ENTREP2: variants seen among roughly 807,000 people sequenced by gnomAD.
ENTREP2 encodes protein ENTREP2.
chr15:29,447,393 G>A, the ENTREP2 span, among the ~76,000 whole-genome samples: 2 of 152,146 alleles, frequency 1.3e-5, no homozygotes, highest in African/African-American at 2.4e-5. Flanking sequence ...CACAGTCTTC[G>A]CCAGGCTGAG....
At chr15:29,615,438 G>A in the ENTREP2 span, among the ~76,000 whole-genome samples, 2 of 152,132 alleles carry the variant, frequency 1.3e-5, no homozygotes, top group Non-Finnish European at 2.9e-5. Flanking sequence ...TTAGACGTGA[G>A]CCACAACGCC....
At chr15:29,293,401 C>A in the ENTREP2 span, among the ~76,000 whole-genome samples, 8 of 150,910 alleles carry the variant, frequency 5.3e-5, no homozygotes, top group Non-Finnish European at 8.9e-5. Context: ...GCGCCCGCCA[C>A]CATGCCTGGC....
the ENTREP2 span, among the ~76,000 whole-genome samples, chr15:29,552,086 G>A: frequency 2.0e-5 from 3 of 152,138 alleles, no homozygotes. Context: ...CATGGAGTGG[G>A]AAATGGAAAG....
chr15:29,615,628 ATGTT>A, the ENTREP2 span, among the ~76,000 whole-genome samples: 1 of 152,076 alleles, frequency 6.6e-6, no homozygotes, highest in South Asian at 2.1e-4. Context: ...CCCCACCTAA[ATGTT>A]TGAGTCATTC....
the ENTREP2 span, among the ~76,000 whole-genome samples, chr15:29,621,035 C>T: frequency 6.6e-6 from 1 of 152,070 alleles, no homozygotes; most frequent in Non-Finnish European, 1.5e-5. Flanking sequence ...CAGGTCTTGC[C>T]TTAGGCACCA....
At chr15:29,618,051 ATC>A in the ENTREP2 span, among the ~76,000 whole-genome samples, 1 of 151,856 alleles carries the variant, frequency 6.6e-6, no homozygotes. Flanking sequence ...TGGGCTGCCT[ATC>A]TCTTTCTTAG....
chr15:29,226,255 T>C, the ENTREP2 span, among the ~76,000 whole-genome samples: 1 of 152,236 alleles, frequency 6.6e-6, no homozygotes, highest in Admixed American at 6.5e-5. Context: ...TTTATTTTGC[T>C]GGGAATGTTT....
the ENTREP2 span, among the ~76,000 whole-genome samples, chr15:29,357,857 G>GAAAAAAA: frequency 8.1e-6 from 1 of 123,292 alleles, no homozygotes; most frequent in Non-Finnish European, 1.8e-5. Context: ...GAAAAGAAAA[G>GAAAAAAA]AAAAAAAAAA....
the ENTREP2 span, among the ~76,000 whole-genome samples, chr15:29,399,732 T>A: frequency 6.6e-6 from 1 of 152,244 alleles, no homozygotes; most frequent in African/African-American, 2.4e-5. Flanking sequence ...AACAGTTGAT[T>A]AACACACATT....
At chr15:29,280,610 A>C in the ENTREP2 span, among the ~76,000 whole-genome samples, 2 of 152,306 alleles carry the variant, frequency 1.3e-5, no homozygotes, top group South Asian at 2.1e-4. Flanking sequence ...GGGTTATGAA[A>C]GACCAGCCAA....
At chr15:29,222,132 G>C in the ENTREP2 span, among the ~76,000 whole-genome samples, 2 of 152,118 alleles carry the variant, frequency 1.3e-5, no homozygotes, top group African/African-American at 2.4e-5. Flanking sequence ...ACAAGATACA[G>C]GTCATAAAGA....
chr15:29,164,695 C>G, the ENTREP2 span, among the ~76,000 whole-genome samples: 1 of 152,062 alleles, frequency 6.6e-6, no homozygotes, highest in Non-Finnish European at 1.5e-5. Context: ...ACTAATAGAC[C>G]TAAGAAATGA....
chr15:29,347,958 G>A, the ENTREP2 span, among the ~76,000 whole-genome samples: 1 of 152,162 alleles, frequency 6.6e-6, no homozygotes, highest in Non-Finnish European at 1.5e-5. Flanking sequence ...ATTCTGGAGG[G>A]CACAGAGAGT....
chr15:29,440,785 A>T, the ENTREP2 span, among the ~76,000 whole-genome samples: 1 of 151,966 alleles, frequency 6.6e-6, no homozygotes, highest in Non-Finnish European at 1.5e-5. Context: ...TCCCAGCACC[A>T]CTGGCTCCTC....
chr15:29,410,473 G>C, the ENTREP2 span, among the ~76,000 whole-genome samples: 1 of 151,908 alleles, frequency 6.6e-6, no homozygotes, highest in Non-Finnish European at 1.5e-5. Flanking sequence ...ACGGGTCTCG[G>C]GGAGGCAAGC....
At chr15:29,147,420 A>T in the ENTREP2 span, among the ~76,000 whole-genome samples, 1 of 152,056 alleles carries the variant, frequency 6.6e-6, no homozygotes, top group African/African-American at 2.4e-5. Context: ...AGAAACTGGA[A>T]CCAAAATGAA....
the ENTREP2 span, among the ~76,000 whole-genome samples, chr15:29,367,009 C>G: frequency 6.6e-6 from 1 of 152,088 alleles, no homozygotes; most frequent in African/African-American, 2.4e-5. Context: ...GTGGCAAAGA[C>G]CTAAAAATTC....
At chr15:29,606,315 AC>A in the ENTREP2 span, among the ~76,000 whole-genome samples, 3 of 148,610 alleles carry the variant, frequency 2.0e-5, no homozygotes. Flanking sequence ...GCTCACTGCA[AC>A]CTCCACCTCC....
the ENTREP2 span, among the ~76,000 whole-genome samples, chr15:29,243,668 A>G: frequency 5.9e-4 from 90 of 152,294 alleles, no homozygotes; most frequent in African/African-American, 2.1e-3. Context: ...TTGAATCTCT[A>G]AAGATTTGCT....
Sources: allele counts gnomAD v4.1 joint callset (sites outside exome capture counted in the v4.1 genomes callset), GRCh38; gene constraint gnomAD v4.1.1; transcripts MANE v1.5; gene names NCBI Gene and HGNC (gene_info 2026-07-23, HGNC 2026-07-21).